NAALADL2: variants seen among roughly 807,000 people sequenced by gnomAD.
The protein encoded by NAALADL2 is N-acetylated alpha-linked acidic dipeptidase like 2.
A neutral mutation model predicts 87.2 loss-of-function variants in NAALADL2; 76 were observed. The ratio of observed to expected loss-of-function variants is 0.87; its 90% CI spans 0.72 to 1.05. The LOEUF is 1.05. NAALADL2 is among the 50% of genes least tolerant of loss of function. NAALADL2 has a pLI of 0.00. For missense variants in NAALADL2, 1,089 were observed against 945.8 expected (o/e 1.15, Z -1.99); for synonymous variants, 354 against 331.0 (o/e 1.07, Z -0.75).
chr3:174,956,093 C>T (rs576917596), intron 1 of NAALADL2, among the ~76,000 whole-genome samples: 1 of 152,050 alleles, frequency 6.6e-6, no homozygotes, highest in South Asian at 2.1e-4. Flanking sequence ...ATTTCTAAAC[C>T]CTGCTGGGAT....
At chr3:175,151,059 T>C (rs894607894) in intron 2 of NAALADL2, among the ~76,000 whole-genome samples, 1 of 152,182 alleles carries the variant, frequency 6.6e-6, no homozygotes, top group African/African-American at 2.4e-5. Flanking sequence ...TGAATCATAC[T>C]TACCAAAATA....
intron 13 of NAALADL2, among the ~76,000 whole-genome samples, chr3:175,772,974 A>G (rs1000704184): frequency 5.3e-5 from 8 of 152,154 alleles, no homozygotes; most frequent in African/African-American, 1.9e-4. Context: ...AGAGAAATCG[A>G]GGAGTAAAAG....
At chr3:175,665,157 A>C (rs550407690) in intron 11 of NAALADL2, among the ~76,000 whole-genome samples, 1 of 152,340 alleles carries the variant, frequency 6.6e-6, no homozygotes, top group East Asian at 1.9e-4. Flanking sequence ...ATGTAAGCTC[A>C]GTGGAATTTG....
intron 9 of NAALADL2, among the ~76,000 whole-genome samples, chr3:175,523,810 G>A (rs916871904): frequency 6.6e-6 from 1 of 152,228 alleles, no homozygotes; most frequent in Non-Finnish European, 1.5e-5. Context: ...TAATCGGTAT[G>A]AGTCAGGGTG....
intron 11 of NAALADL2, among the ~76,000 whole-genome samples, chr3:175,725,027 C>T (rs1392194022): frequency 6.6e-6 from 1 of 151,896 alleles, no homozygotes; most frequent in Non-Finnish European, 1.5e-5. Flanking sequence ...CATCTTTGTC[C>T]TTACTAAAGC....
At chr3:175,576,346 A>G (rs556565317) in intron 10 of NAALADL2, among the ~76,000 whole-genome samples, 159 bp downstream of exon 10, 2 of 152,250 alleles carry the variant, frequency 1.3e-5, no homozygotes, top group East Asian at 3.8e-4. Flanking sequence ...GCTTTGTAAT[A>G]GTATTTGAAA....
chr3:174,792,465 C>G (rs571758272), intron 3 of NAALADL2, among the ~76,000 whole-genome samples: 86 of 152,196 alleles, frequency 5.7e-4, no homozygotes, highest in African/African-American at 2.0e-3. Flanking sequence ...ATTTCAACAC[C>G]AATGTGAAAT....
intron 3 of NAALADL2, among the ~76,000 whole-genome samples, chr3:174,834,350 T>A (rs1324728779): frequency 6.8e-6 from 1 of 146,402 alleles, no homozygotes; most frequent in Non-Finnish European, 1.5e-5. Flanking sequence ...GTAAACATCA[T>A]ACCTAAGGGT....
intron 5 of NAALADL2, among the ~76,000 whole-genome samples, chr3:175,442,791 A>G (rs1019988621): frequency 7.2e-5 from 11 of 152,210 alleles, no homozygotes; most frequent in African/African-American, 2.7e-4. Context: ...GGTCCCCCTC[A>G]GTCTTTATGA....
chr3:175,406,437 C>T (rs1712387912), intron 5 of NAALADL2, among the ~76,000 whole-genome samples: 1 of 152,100 alleles, frequency 6.6e-6, no homozygotes, highest in African/African-American at 2.4e-5. Context: ...AATGAATTTT[C>T]CTTCTATCCA....
chr3:174,876,336 A>G (rs889567058), intron 1 of NAALADL2, among the ~76,000 whole-genome samples: 2 of 152,152 alleles, frequency 1.3e-5, no homozygotes, highest in African/African-American at 4.8e-5. Context: ...TTACTCTTCA[A>G]CTTGTTTGCT....
At chr3:174,997,840 AACAACAAC>A (rs763085251) in intron 1 of NAALADL2, among the ~76,000 whole-genome samples, 7,852 of 151,616 alleles carry the variant, frequency 0.052, 656 homozygotes, top group African/African-American at 0.18. Flanking sequence ...AGCAAACAAC[AACAACAAC>A]AACAACAACA....
At chr3:174,879,496 C>T (rs572350741) in intron 1 of NAALADL2, among the ~76,000 whole-genome samples, 22 of 152,056 alleles carry the variant, frequency 1.4e-4, no homozygotes, top group Middle Eastern at 3.4e-3. Flanking sequence ...TTTTTTCCTA[C>T]GGAGGTAAAT....
At chr3:175,007,777 T>C (rs1168920385) in intron 1 of NAALADL2, among the ~76,000 whole-genome samples, 1 of 152,140 alleles carries the variant, frequency 6.6e-6, no homozygotes, top group Non-Finnish European at 1.5e-5. Context: ...AAAGGTTTAA[T>C]TTATAAATTA....
At chr3:174,918,308 T>C (rs1368017446) in intron 1 of NAALADL2, among the ~76,000 whole-genome samples, 1 of 152,120 alleles carries the variant, frequency 6.6e-6, no homozygotes, top group African/African-American at 2.4e-5. Context: ...TTGGAGTCAG[T>C]GTATCAGTGG....
rs189843956 is a variant in NAALADL2, at chr3:174,888,191, T to C, written c.43+28741T>C. Among the ~76,000 whole-genome samples the C allele has an allele frequency of 4.7e-3, 711 of 152,118 alleles. 4 individuals carry two copies. The highest frequency in any genetic ancestry group is 8.2e-3 in the Non-Finnish European group (557 of 67,984). On this transcript the variant is annotated intron_variant, in intron 1 of 13. Coordinates refer to ENST00000454872, the MANE Select transcript of NAALADL2 (RefSeq NM_207015.3). ...CTTTTTGACAAAGAAAAATTCAGAGTCTAGAATGTTATCAACAAAAACGAG... is the reference window on the plus strand; with the variant it reads ...CTTTTTGACAAAGAAAAATTCAGAGCCTAGAATGTTATCAACAAAAACGAG...
intron 11 of NAALADL2, among the ~76,000 whole-genome samples, chr3:175,635,214 A>G (rs1728347615): frequency 6.6e-6 from 1 of 152,102 alleles, no homozygotes; most frequent in Non-Finnish European, 1.5e-5. Context: ...TTATACTATC[A>G]GTTTCTCTTT....
chr3:175,162,274 A>T (rs1009100988), intron 2 of NAALADL2, among the ~76,000 whole-genome samples: 1 of 152,104 alleles, frequency 6.6e-6, no homozygotes, highest in Admixed American at 6.6e-5. Context: ...CCCACATTTT[A>T]TTTATCCACA....
In NAALADL2 at chr3:174,610,206, A is replaced by G. The variant is rs1399760511; in HGVS notation, c.-115+59569A>G. On this transcript the variant is annotated intron_variant, in intron 2 of 3. Transcript: ENST00000434257. ...TTAAACGTTAGACCTAAAAACCATA[A>G]AAACCCTAGAAGAAAACCTAGGCAT... Among the ~76,000 whole-genome samples, 8 of 151,348 alleles carry G rather than the reference A, an allele frequency of 5.3e-5. No individual in the cohort carries two copies. In the East Asian group the frequency reaches 1.4e-3, roughly 26 times the overall value.
Sources: gnomAD v4.1 joint callset for allele counts (sites outside exome capture counted in the v4.1 genomes callset) on GRCh38, gnomAD v4.1.1 for gene constraint, MANE v1.5 for transcripts, NCBI Gene and HGNC (gene_info 2026-07-23, HGNC 2026-07-21) for gene names.